ARHGAP25: variants seen among roughly 807,000 people sequenced by gnomAD.
ARHGAP25 encodes rho GTPase-activating protein 25.
Under a neutral mutation model 71.0 loss-of-function variants are expected in ARHGAP25, and 34 were observed. The ratio of observed to expected loss-of-function variants is 0.48; its 90% CI spans 0.36 to 0.64. The LOEUF (loss-of-function observed/expected upper bound fraction) is 0.64, where lower values mean the gene tolerates loss of function less well. ARHGAP25 is among the 30% of genes least tolerant of loss of function. The pLI, the probability that ARHGAP25 is intolerant of heterozygous loss-of-function variation, is 0.00. For synonymous variants in ARHGAP25, 282 were observed against 296.5 expected (o/e 0.95, Z 0.50); for missense variants, 706 against 805.1 (o/e 0.88, Z 1.49).
intron 1 of ARHGAP25, among the ~76,000 whole-genome samples, chr2:68,753,864 A>G (rs1676323788): frequency 6.6e-6 from 1 of 152,122 alleles, no homozygotes; most frequent in African/African-American, 2.4e-5. Flanking sequence ...AATGTGAGCA[A>G]ATGAAAACAA....
At chr2:68,737,501 AC>A (rs772603949) in intron 1 of ARHGAP25, among the ~76,000 whole-genome samples, 1 of 152,242 alleles carries the variant, frequency 6.6e-6, no homozygotes, top group East Asian at 1.9e-4. Flanking sequence ...GGTGATGGTA[AC>A]ACCCCCCTAC....
intron 1 of ARHGAP25, among the ~76,000 whole-genome samples, chr2:68,768,121 GA>G (rs1166344041): frequency 6.6e-6 from 1 of 152,212 alleles, no homozygotes; most frequent in Non-Finnish European, 1.5e-5. Context: ...AACTGGAGCA[GA>G]TCATTTCACC....
intron 1 of ARHGAP25, chr2:68,774,814 G>T (rs1677749843): frequency 9.0e-7 from 1 of 1,113,370 alleles, no homozygotes; most frequent in Non-Finnish European, 1.1e-6. Context: ...AGCCTTCAGA[G>T]TGAGGCATTA....
chr2:68,761,275 T>C (rs897073633), intron 1 of ARHGAP25, among the ~76,000 whole-genome samples: 1 of 152,052 alleles, frequency 6.6e-6, no homozygotes, highest in Non-Finnish European at 1.5e-5. Context: ...GACCCCAAAC[T>C]GTAAAACTCT....
intron 2 of ARHGAP25, among the ~76,000 whole-genome samples, chr2:68,720,395 T>A (rs1205682998): frequency 6.6e-6 from 1 of 151,346 alleles, no homozygotes; most frequent in Non-Finnish European, 1.5e-5. Context: ...GAAACTTTAC[T>A]CTGTACAGAG....
chr2:68,810,092 A>G (rs1680668287), intron 5 of ARHGAP25, among the ~76,000 whole-genome samples: 1 of 151,448 alleles, frequency 6.6e-6, no homozygotes, highest in Non-Finnish European at 1.5e-5. Flanking sequence ...TGAACCCAGA[A>G]GCCACCTGGC....
upstream of ARHGAP25, among the ~76,000 whole-genome samples, chr2:68,731,898 C>G (rs577504941): frequency 1.8e-4 from 27 of 152,244 alleles, no homozygotes; most frequent in Non-Finnish European, 3.7e-4. Flanking sequence ...TCTCCCCCAA[C>G]AGACTGTAAG....
At chr2:68,817,840 C>T (rs1290686726) in intron 7 of ARHGAP25, 33 bp from the exon 8 acceptor site, 1 of 1,612,108 alleles carries the variant, frequency 6.2e-7, no homozygotes. Flanking sequence ...CTACTTCCTG[C>T]TTTCTACCAT....
chr2:68,819,396 G>A (rs752747750), intron 9 of ARHGAP25, 77 bp downstream of exon 9: 13 of 1,525,618 alleles, frequency 8.5e-6, no homozygotes, highest in Middle Eastern at 1.7e-4. Context: ...GCCTGCTCTC[G>A]GGTGGCAATT....
intron 4 of ARHGAP25, among the ~76,000 whole-genome samples, chr2:68,791,443 T>G (rs1679168111): frequency 6.6e-6 from 1 of 152,134 alleles, no homozygotes; most frequent in African/African-American, 2.4e-5. Flanking sequence ...GATCAGCTTA[T>G]CTGAGAGATT....
chr2:68,792,984 G>A (rs930185974), intron 4 of ARHGAP25, among the ~76,000 whole-genome samples: 12 of 151,958 alleles, frequency 7.9e-5, no homozygotes, highest in Admixed American at 3.9e-4. Flanking sequence ...CGTAAGGTGC[G>A]ATCTCATTGT....
At chr2:68,805,017 C>T (rs146036614) in intron 4 of ARHGAP25, among the ~76,000 whole-genome samples, 197 of 152,202 alleles carry the variant, frequency 1.3e-3, no homozygotes, top group African/African-American at 4.3e-3. Flanking sequence ...ATACGGTGCA[C>T]AGAGTAGGAT....
At chr2:68,712,437 A>C (rs1318183541) in intron 2 of ARHGAP25, among the ~76,000 whole-genome samples, 1 of 152,032 alleles carries the variant, frequency 6.6e-6, no homozygotes, top group South Asian at 2.1e-4. Flanking sequence ...GATTGCAAAA[A>C]TTTTCTCCCA....
At chr2:68,769,717 G>A (rs1677359685) in intron 1 of ARHGAP25, among the ~76,000 whole-genome samples, 1 of 152,058 alleles carries the variant, frequency 6.6e-6, no homozygotes, top group Admixed American at 6.5e-5. Flanking sequence ...GGGCCAGGAA[G>A]GCTTCTCACA....
intron 1 of ARHGAP25, among the ~76,000 whole-genome samples, chr2:68,769,632 A>C (rs1381810698): frequency 6.6e-6 from 1 of 152,158 alleles, no homozygotes; most frequent in East Asian, 1.9e-4. Flanking sequence ...AGTACCAAGC[A>C]AGGCGACAAA....
Position 68,807,374 on chromosome 2 carries a change from G to T in ARHGAP25, c.568G>T (p.Glu190Ter). 6.2e-7 allele frequency: 1 copy of T among 1,614,210 alleles called. No individual in the cohort carries two copies. The highest frequency in any genetic ancestry group is 8.5e-7 in the Non-Finnish European group (1 of 1,180,040). The change falls in exon 5 of 11, where the codon GAG becomes TAG. Residue 190 changes from glutamate (E) to a stop codon, truncating the protein, a stop_gained. Transcript: ENST00000409202. LOFTEE classifies it high-confidence loss of function. ...LVEKCAEFILEHGRNEEGIFR... is the reference protein window; with the variant it reads ...LVEKCAEFIL ...GGAGAAATGTGCAGAGTTCATCCTG[G>T]AGCACGGCCGGAATGAAGAGGGCAT...
chr2:68,750,915 G>A (rs1048872854), intron 1 of ARHGAP25, among the ~76,000 whole-genome samples: 1 of 152,198 alleles, frequency 6.6e-6, no homozygotes, highest in African/African-American at 2.4e-5. Flanking sequence ...TGAGGAGGAG[G>A]CACTAATAAT....
intron 4 of ARHGAP25, among the ~76,000 whole-genome samples, chr2:68,799,896 G>A (rs1679845145): frequency 6.6e-6 from 1 of 152,184 alleles, no homozygotes; most frequent in Admixed American, 6.5e-5. Flanking sequence ...GAAGGCCTGA[G>A]GCTGGCTCAT....
chr2:68,752,970 A>G (rs1433561618), intron 1 of ARHGAP25, among the ~76,000 whole-genome samples: 1 of 152,046 alleles, frequency 6.6e-6, no homozygotes, highest in African/African-American at 2.4e-5. Flanking sequence ...CATCCTATGC[A>G]TTGTAGGGTA....
Sources: gnomAD v4.1 joint callset for allele counts (sites outside exome capture counted in the v4.1 genomes callset) on GRCh38, gnomAD v4.1.1 for gene constraint, MANE v1.5 for transcripts, NCBI Gene and HGNC (gene_info 2026-07-23, HGNC 2026-07-21) for gene names.